Variants in THRAP3 observed in about 807,000 individuals in gnomAD.
THRAP3 encodes the protein thyroid hormone receptor-associated protein 3.
In THRAP3, 16 loss-of-function variants were observed where a neutral mutation model predicts 101.0. The observed-to-expected ratio is 0.16, with a 90% CI of 0.11 to 0.24. The LOEUF is 0.24. THRAP3 is among the 10% of genes least tolerant of loss of function. THRAP3 has a pLI of 1.00. For missense variants in THRAP3, 989 were observed against 1,202.7 expected (o/e 0.82, Z 2.63); for synonymous variants, 407 against 422.6 (o/e 0.96, Z 0.45).
chr1:36,235,341 A>T (rs1283910911), intron 1 of THRAP3, among the ~76,000 whole-genome samples: 1 of 152,200 alleles, frequency 6.6e-6, no homozygotes, highest in Non-Finnish European at 1.5e-5. Flanking sequence ...GAAAGTAGTC[A>T]TAAGAAGTTA....
At chr1:36,239,634 C>T (rs1413529432) in intron 1 of THRAP3, among the ~76,000 whole-genome samples, 1 of 152,140 alleles carries the variant, frequency 6.6e-6, no homozygotes. Flanking sequence ...AGGTTAATCA[C>T]TCTGTATCAA....
chr1:36,208,856 G>T, the THRAP3 span, among the ~76,000 whole-genome samples: 1 of 151,658 alleles, frequency 6.6e-6, no homozygotes, highest in East Asian at 1.9e-4. Context: ...TTGTAGAGAC[G>T]GGGTTTCGCC....
Position 36,304,217 on chromosome 1 carries a change from G to A in THRAP3, c.*200G>A. The A allele has an allele frequency of 1.4e-6, 1 of 690,746 alleles. No homozygotes were observed. Among genetic ancestry groups the A allele is most frequent in the Non-Finnish European group, 2.2e-6 (1 of 457,118 alleles). The allele number at this position is 690,746 out of a possible 1,614,324, so 42.8% of individuals were successfully genotyped here. On this transcript the variant is annotated 3_prime_UTR_variant, in exon 12 of 12. Transcript: ENST00000354618. ...GAGGAGGCTGGCCATGGGGCCCAGG[G>A]GTCAGGCCCAGCTTTTGAGCAGAAT...
At position 36,286,360 on chromosome 1, in the gene THRAP3, C is replaced by T. The variant is rs773153067; in HGVS notation, c.138-8C>T. Reference sequence around the variant, plus strand: ...TTCAAACATTTGTCTCTTTCCTTTCCATTCCAGTTCTAGGTCTCGTTCCAG... The same window carrying T: ...TTCAAACATTTGTCTCTTTCCTTTCTATTCCAGTTCTAGGTCTCGTTCCAG... On this transcript the variant is annotated splice_polypyrimidine_tract_variant and splice_region_variant and intron_variant, in intron 3 of 11. Transcript: ENST00000354618. This position sits in a 1 kb window ranked among gnomAD's most constrained non-coding sequence, Gnocchi z 5.5. The T allele has an allele frequency of 3.2e-6, 5 of 1,555,614 alleles. No individual in the cohort carries two copies. The highest frequency in any genetic ancestry group is 4.3e-6 in the Non-Finnish European group (5 of 1,154,206).
chr1:36,230,359 C>G (rs957723878), intron 1 of THRAP3, among the ~76,000 whole-genome samples: 4 of 152,006 alleles, frequency 2.6e-5, no homozygotes, highest in Non-Finnish European at 5.9e-5. Flanking sequence ...CTCAGGTGAT[C>G]CGCCCGCTTC....
At chr1:36,237,468 CAAAAAAAA>C (rs1222944821) in intron 1 of THRAP3, among the ~76,000 whole-genome samples, 1 of 50,958 alleles carries the variant, frequency 2.0e-5, no homozygotes, top group Non-Finnish European at 3.9e-5. Context: ...AACTTCATCT[CAAAAAAAA>C]AAAAAAAAAA....
At chr1:36,238,162 C>G (rs1645113699) in intron 1 of THRAP3, among the ~76,000 whole-genome samples, 1 of 152,054 alleles carries the variant, frequency 6.6e-6, no homozygotes, top group African/African-American at 2.4e-5. Context: ...GAGACAGGGT[C>G]TCGTTTTGTT....
intron 2 of THRAP3, among the ~76,000 whole-genome samples, chr1:36,268,967 C>T (rs1645553158): frequency 6.6e-6 from 1 of 152,294 alleles, no homozygotes; most frequent in Admixed American, 6.5e-5. Flanking sequence ...CTCAGGTGAT[C>T]CACCTGCCTC....
chr1:36,287,423 A>G (rs749959343), intron 4 of THRAP3, 153 bp downstream of exon 4: 21 of 982,500 alleles, frequency 2.1e-5, no homozygotes, highest in Non-Finnish European at 2.4e-5. Flanking sequence ...GCATCACCCA[A>G]GGAAACCTTT....
intron 9 of THRAP3, among the ~76,000 whole-genome samples, chr1:36,297,505 G>GT (rs1354621530): frequency 5.5e-5 from 8 of 144,574 alleles, no homozygotes; most frequent in African/African-American, 2.1e-4. Context: ...CTAGAGTGCA[G>GT]TGGCGCAATC....
the THRAP3 span, among the ~76,000 whole-genome samples, chr1:36,214,004 AAGAAAG>A: frequency 2.6e-5 from 1 of 38,672 alleles, no homozygotes; most frequent in Non-Finnish European, 5.2e-5. Flanking sequence ...AAAGGAAAGA[AAGAAAG>A]AAAGAAAGAA....
intron 1 of THRAP3, among the ~76,000 whole-genome samples, chr1:36,239,383 C>A (rs1197027886): frequency 6.6e-6 from 1 of 152,006 alleles, no homozygotes; most frequent in African/African-American, 2.4e-5. Flanking sequence ...TCTCCTGCCT[C>A]AGCCTCCCAA....
In THRAP3 at chr1:36,229,729, C is replaced by T. The variant is rs562673725; in HGVS notation, c.-135+5224C>T. On this transcript the variant is annotated intron_variant, in intron 1 of 11. Coordinates refer to ENST00000354618, the MANE Select transcript of THRAP3 (RefSeq NM_005119.4). ...GTGCAGTGGCGCAATCTCAGCTCAC[C>T]GCAACCTCTGCCTCCTGGGTTCAAG... 2.2e-3 allele frequency among the ~76,000 whole-genome samples: 326 copies of T among 150,512 alleles called. 1 individual carries two copies. Among genetic ancestry groups the T allele is most frequent in the Non-Finnish European group, 3.1e-3 (211 of 67,538 alleles).
chr1:36,243,801 G>T, intron 1 of THRAP3, among the ~76,000 whole-genome samples: 1 of 358 alleles, frequency 2.8e-3, no homozygotes, highest in South Asian at 0.062. Context: ...TCACCTCCCG[G>T]ACGGGCGGCT....
chr1:36,248,037 G>C (rs1021606196), intron 1 of THRAP3, among the ~76,000 whole-genome samples: 6 of 151,640 alleles, frequency 4.0e-5, no homozygotes, highest in African/African-American at 7.3e-5. Context: ...ACGCCACCAT[G>C]CATGGCTAAT....
At chr1:36,252,147 C>T (rs566839591) in intron 1 of THRAP3, among the ~76,000 whole-genome samples, 7 of 152,096 alleles carry the variant, frequency 4.6e-5, no homozygotes, top group Non-Finnish European at 7.4e-5. Flanking sequence ...ATTTTTGAGA[C>T]GGAGTTTTGC....
rs79513607 is a variant in THRAP3 at position 36,287,611 on chromosome 1, T to C, written c.1040+341T>C. On this transcript the variant is annotated intron_variant, in intron 4 of 11. Transcript: ENST00000354618. ...AAAAAAAGTATGGTCTTTGCCAAAA[T>C]GAATGGCCATTGGAGCTCTTAGACC... 44 of 985,412 alleles carry C rather than the reference T, an allele frequency of 4.5e-5. 1 individual carries two copies. The East Asian group carries it at 4.9e-3, about 109-fold the overall frequency. 61.0% of individuals were successfully genotyped at this position (985,412 alleles called of 1,614,324 possible).
intron 6 of THRAP3, among the ~76,000 whole-genome samples, chr1:36,291,998 A>G (rs1474350756): frequency 1.3e-5 from 2 of 152,108 alleles, no homozygotes; most frequent in Admixed American, 6.6e-5. Flanking sequence ...TGCAGGTTCC[A>G]TCTGAATATA....
chr1:36,208,856 G>A, the THRAP3 span, among the ~76,000 whole-genome samples: 3 of 151,658 alleles, frequency 2.0e-5, no homozygotes, highest in Non-Finnish European at 4.4e-5. Flanking sequence ...TTGTAGAGAC[G>A]GGGTTTCGCC....
Sources: gnomAD v4.1 joint callset for allele counts (sites outside exome capture counted in the v4.1 genomes callset) on GRCh38, gnomAD v4.1.1 for gene constraint, Gnocchi (gnomAD v3.1) non-coding constraint, MANE v1.5 for transcripts, NCBI Gene and HGNC (gene_info 2026-07-23, HGNC 2026-07-21) for gene names.